Variants in CTIF observed in about 807,000 individuals in gnomAD.
CTIF encodes cap binding complex dependent translation initiation factor.
Under a neutral mutation model 66.0 loss-of-function variants are expected in CTIF, and 21 were observed. The observed-to-expected ratio is 0.32, with a 90% confidence interval of 0.23 to 0.46. The LOEUF is 0.46. Among genes scored for constraint, CTIF ranks in the 20% least tolerant of loss-of-function variants. The pLI, the probability that CTIF is intolerant of heterozygous loss-of-function variation, is 1.00. For synonymous variants in CTIF, 345 were observed against 326.4 expected (o/e 1.06, Z -0.62); for missense variants, 739 against 812.7 (o/e 0.91, Z 1.10).
chr18:48,782,448 C>T (rs1911321993), intron 9 of CTIF, among the ~76,000 whole-genome samples: 1 of 152,198 alleles, frequency 6.6e-6, no homozygotes, highest in Non-Finnish European at 1.5e-5. Flanking sequence ...CCCATCCTGA[C>T]CTGGAAATCA....
At chr18:48,779,949 G>T (rs940800762) in intron 9 of CTIF, among the ~76,000 whole-genome samples, 3 of 152,206 alleles carry the variant, frequency 2.0e-5, no homozygotes, top group Non-Finnish European at 4.4e-5. Flanking sequence ...ATGGGCATCT[G>T]TGAGCACCAT....
At chr18:48,643,284 T>C (rs1007622302) in intron 3 of CTIF, among the ~76,000 whole-genome samples, 7 of 152,234 alleles carry the variant, frequency 4.6e-5, no homozygotes, top group Non-Finnish European at 7.3e-5. Context: ...GGCTGCAGAA[T>C]GAAGACCCAA....
chr18:48,801,779 C>T (rs930761742), intron 9 of CTIF, among the ~76,000 whole-genome samples: 4 of 152,186 alleles, frequency 2.6e-5, no homozygotes, highest in African/African-American at 9.7e-5. Context: ...GCAGAGGGAT[C>T]CCAGATGCCA....
At position 48,632,554 on chromosome 18, in the gene CTIF, T is replaced by C. The variant is rs529531602; in HGVS notation, c.181-4060T>C. 5.3e-5 allele frequency among the ~76,000 whole-genome samples: 8 copies of C among 152,286 alleles called. 1 individual carries two copies. In the South Asian group the frequency reaches 1.2e-3, roughly 24 times the overall value. ...CCAATGTGGGACCCTCCTTCCCCAC[T>C]TCCCCCCTGGGCCAGTTCAGCCTCC... On this transcript the variant is annotated intron_variant, in intron 2 of 11. Transcript: ENST00000256413.
chr18:48,816,331 T>G (rs922936545), intron 9 of CTIF, among the ~76,000 whole-genome samples: 16 of 152,192 alleles, frequency 1.1e-4, no homozygotes, highest in African/African-American at 3.4e-4. Context: ...GGGAAATATC[T>G]TTCTGAATAT....
intron 9 of CTIF, among the ~76,000 whole-genome samples, chr18:48,794,400 C>T (rs1187860766): frequency 3.3e-5 from 5 of 152,168 alleles, no homozygotes; most frequent in Admixed American, 3.3e-4. Context: ...ATCTGCAACT[C>T]GAGAGCTAAG....
chr18:48,570,208 C>G (rs1051631057), intron 1 of CTIF, among the ~76,000 whole-genome samples: 1 of 152,168 alleles, frequency 6.6e-6, no homozygotes, highest in Non-Finnish European at 1.5e-5. Flanking sequence ...ATCAGAAAAG[C>G]ACACATGAGG....
intron 3 of CTIF, among the ~76,000 whole-genome samples, chr18:48,647,331 A>C (rs1009794138): frequency 6.6e-6 from 1 of 152,186 alleles, no homozygotes; most frequent in Non-Finnish European, 1.5e-5. Context: ...ATGTGGCTAT[A>C]AGGGGCAGCC....
intron 6 of CTIF, among the ~76,000 whole-genome samples, chr18:48,709,971 G>GCCATAACT (rs1222576380): frequency 1.9e-4 from 29 of 152,294 alleles, no homozygotes; most frequent in Non-Finnish European, 4.4e-5. Context: ...TCCAGTCCAG[G>GCCATAACT]CCAAGTGGCC....
chr18:48,559,578 A>G (rs1170694772), intron 1 of CTIF, among the ~76,000 whole-genome samples: 1 of 152,220 alleles, frequency 6.6e-6, no homozygotes, highest in Non-Finnish European at 1.5e-5. Flanking sequence ...CAAGAGCTAC[A>G]GTTTGCATCT....
At chr18:48,592,475 G>A (rs2089905970) in intron 1 of CTIF, among the ~76,000 whole-genome samples, 2 of 145,124 alleles carry the variant, frequency 1.4e-5, no homozygotes, top group African/African-American at 5.1e-5. Flanking sequence ...CCAGCTTGGG[G>A]AACAAGAGTG....
At chr18:48,541,869 A>C (rs968519311) in intron 1 of CTIF, among the ~76,000 whole-genome samples, 2 of 148,784 alleles carry the variant, frequency 1.3e-5, no homozygotes, top group African/African-American at 5.0e-5. Context: ...CATAGCATTT[A>C]TTAAGAGGGT....
intron 11 of CTIF, among the ~76,000 whole-genome samples, 177 bp from the exon 12 acceptor site, chr18:48,859,167 C>G (rs997372687): frequency 6.6e-6 from 1 of 152,206 alleles, no homozygotes; most frequent in African/African-American, 2.4e-5. Context: ...TGAGCTCTCA[C>G]TCTTGGCTAC....
chr18:48,658,972 C>G (rs1433059428), intron 3 of CTIF, among the ~76,000 whole-genome samples: 1 of 152,130 alleles, frequency 6.6e-6, no homozygotes, highest in Non-Finnish European at 1.5e-5. Context: ...TGGGCACTGC[C>G]TGGGCCACCA....
intron 9 of CTIF, among the ~76,000 whole-genome samples, chr18:48,762,283 C>A (rs867720197): frequency 6.6e-6 from 1 of 152,250 alleles, no homozygotes; most frequent in African/African-American, 2.4e-5. Context: ...TGTAACCCCA[C>A]CCCTGATCAT....
Position 48,549,567 on chromosome 18 carries a change from C to G in CTIF, c.-29+10255C>G, listed in dbSNP as rs142598574. Among the ~76,000 whole-genome samples, 666 of 152,318 alleles carry G rather than the reference C, an allele frequency of 4.4e-3. 5 individuals are homozygous for G. The highest frequency in any genetic ancestry group is 0.015 in the African/African-American group (631 of 41,574). The stretch of plus-strand genomic sequence containing the variant: ...CATTGGCCTTTGTTCTCAGGCCAGT[C>G]CCCTTATGGTCATAGCATGGCTGCC... On this transcript the variant is annotated intron_variant, in intron 1 of 11. Transcript: ENST00000256413.
intron 10 of CTIF, among the ~76,000 whole-genome samples, chr18:48,840,152 C>A (rs1166805222): frequency 6.6e-6 from 1 of 152,026 alleles, no homozygotes; most frequent in Non-Finnish European, 1.5e-5. Flanking sequence ...TCAATGGAGC[C>A]AAGATCAGAA....
chr18:48,710,983 A>C (rs1021511926), intron 6 of CTIF, among the ~76,000 whole-genome samples: 1 of 152,150 alleles, frequency 6.6e-6, no homozygotes, highest in Admixed American at 6.5e-5. Flanking sequence ...AATAATAATA[A>C]TAATGATGAT....
At chr18:48,792,576 G>C (rs989307673) in intron 9 of CTIF, among the ~76,000 whole-genome samples, 1 of 152,194 alleles carries the variant, frequency 6.6e-6, no homozygotes, top group African/African-American at 2.4e-5. Flanking sequence ...AGTAAATGTG[G>C]GAGAGTAAAT....
Sources: allele counts gnomAD v4.1 joint callset (sites outside exome capture counted in the v4.1 genomes callset), GRCh38; gene constraint gnomAD v4.1.1; transcripts MANE v1.5; gene names NCBI Gene and HGNC (gene_info 2026-07-23, HGNC 2026-07-21).